STUM: variants seen among roughly 807,000 people sequenced by gnomAD.
The protein encoded by STUM is stum, mechanosensory transduction mediator homolog.
A neutral mutation model predicts 15.3 loss-of-function variants in STUM; 8 were observed. That is an observed-to-expected ratio of 0.52 (90% CI 0.31 to 0.94). The LOEUF is 0.94. STUM is among the 40% of genes least tolerant of loss of function. STUM has a pLI of 0.05. For missense variants in STUM, 142 were observed against 204.9 expected, an observed-to-expected ratio of 0.69 and a Z score of 1.87; for synonymous variants, 78 against 88.7, an observed-to-expected ratio of 0.88 and a Z score of 0.68.
At chr1:226,581,198 G>T (rs1164815758) in intron 1 of STUM, among the ~76,000 whole-genome samples, 4 of 152,332 alleles carry the variant, frequency 2.6e-5, no homozygotes, top group African/African-American at 4.8e-5. Flanking sequence ...GGCCTCTCTT[G>T]GTTGCAGAGG....
chr1:226,573,587 T>A (rs1286917945), intron 1 of STUM, among the ~76,000 whole-genome samples: 1 of 152,222 alleles, frequency 6.6e-6, no homozygotes, highest in African/African-American at 2.4e-5. Context: ...CTCATAGTGA[T>A]CCACAGTGAC....
At chr1:226,568,173 A>C (rs1667652655) in intron 1 of STUM, among the ~76,000 whole-genome samples, 1 of 152,256 alleles carries the variant, frequency 6.6e-6, no homozygotes, top group African/African-American at 2.4e-5. Context: ...TCCATTCTGC[A>C]GGCTCTGGCA....
chr1:226,592,259 G>A (rs947376941), intron 1 of STUM, among the ~76,000 whole-genome samples: 19 of 152,202 alleles, frequency 1.2e-4, no homozygotes, highest in African/African-American at 4.6e-4. Flanking sequence ...TGCTGGCCAG[G>A]CTGGTCTTGA....
chr1:226,600,538 C>G lies in STUM; in HGVS notation c.383-128C>G, dbSNP rs916831493. 2 of 1,153,088 alleles carry G rather than the reference C, an allele frequency of 1.7e-6. No individual in the cohort carries two copies. The highest frequency in any genetic ancestry group is 2.6e-6 in the Non-Finnish European group (2 of 780,038). The allele number at this position is 1,153,088 out of a possible 1,614,324, so 71.4% of individuals were successfully genotyped here. The stretch of plus-strand genomic sequence containing the variant: ...CTGGCATGGCCCCTGTCCCATCTCC[C>G]AGGCCTCACCATGGATCTGCTTTGT... On this transcript the variant is annotated intron_variant, in intron 2 of 3. Transcript: ENST00000366788. The surrounding 1 kb of genome is among the most constrained non-coding windows in gnomAD (Gnocchi z 5.2).
intron 1 of STUM, among the ~76,000 whole-genome samples, chr1:226,580,324 G>T (rs181530087): frequency 7.9e-5 from 12 of 152,254 alleles, no homozygotes; most frequent in Admixed American, 6.5e-4. Flanking sequence ...CCCAGAAGAG[G>T]TGTCAAGTAA....
chr1:226,577,515 A>ACACACACT (rs1025492116), intron 1 of STUM, among the ~76,000 whole-genome samples: 8 of 151,848 alleles, frequency 5.3e-5, no homozygotes, highest in African/African-American at 1.9e-4. Flanking sequence ...ACACACACAC[A>ACACACACT]CACACTCACA....
At position 226,609,219 on chromosome 1, in the gene STUM, T is replaced by C. The variant is rs971588615; in HGVS notation, c.*7179T>C. 1 of 152,186 alleles carries C rather than the reference T, an allele frequency of 6.6e-6. No individual in the cohort carries two copies. Among genetic ancestry groups the C allele is most frequent in the African/African-American group, 2.4e-5 (1 of 41,430 alleles). 9.4% of individuals were successfully genotyped at this position (152,186 alleles called of 1,614,324 possible). Reference sequence around the variant, plus strand: ...ATAAACATTCATGTGACCTTTCTGGTAGTTTCTCAAATCCCTGTGTCCTCC... The same window carrying C: ...ATAAACATTCATGTGACCTTTCTGGCAGTTTCTCAAATCCCTGTGTCCTCC... On this transcript the variant is annotated 3_prime_UTR_variant, in exon 4 of 4. Coordinates refer to ENST00000366788, the MANE Select transcript of STUM (RefSeq NM_001003665.4).
At chr1:226,574,450 C>T (rs1186575748) in intron 1 of STUM, among the ~76,000 whole-genome samples, 1 of 152,192 alleles carries the variant, frequency 6.6e-6, no homozygotes, top group Non-Finnish European at 1.5e-5. Context: ...CCCTAATTGT[C>T]CTGTAAACCT....
intron 1 of STUM, among the ~76,000 whole-genome samples, chr1:226,582,444 A>T (rs1667933805): frequency 1.3e-5 from 2 of 152,174 alleles, no homozygotes; most frequent in African/African-American, 4.8e-5. Flanking sequence ...AAGTACAAAA[A>T]ATTAGCTGGG....
At chr1:226,566,594 A>G (rs1412910300) in intron 1 of STUM, among the ~76,000 whole-genome samples, 1 of 152,184 alleles carries the variant, frequency 6.6e-6, no homozygotes, top group African/African-American at 2.4e-5. Flanking sequence ...TTGTACCAGA[A>G]GGTCTTGGTG....
chr1:226,574,949 C>T (rs961854260), intron 1 of STUM, among the ~76,000 whole-genome samples: 3 of 152,180 alleles, frequency 2.0e-5, no homozygotes, highest in African/African-American at 7.2e-5. Context: ...CAGGTGTGGA[C>T]CGCGGTCAGT....
rs181523443 is a variant in STUM at position 226,557,075 on chromosome 1, A to C, written c.202+7969A>C. 1.6e-4 allele frequency among the ~76,000 whole-genome samples: 24 copies of C among 152,048 alleles called. No individual in the cohort carries two copies. The East Asian group carries it at 4.4e-3, about 28-fold the overall frequency. On this transcript the variant is annotated intron_variant, in intron 1 of 3. Coordinates refer to ENST00000366788, the MANE Select transcript of STUM (RefSeq NM_001003665.4). ...CACACTGTGCAATAGAACTCAAAAA[A>C]GGGAAAAAATCTTACTTCTCCCATG...
intron 1 of STUM, among the ~76,000 whole-genome samples, chr1:226,580,807 C>T (rs1451682021): frequency 6.6e-6 from 1 of 152,206 alleles, no homozygotes; most frequent in East Asian, 1.9e-4. Flanking sequence ...GCCCCCAGCA[C>T]CAAGGACAGT....
intron 1 of STUM, among the ~76,000 whole-genome samples, chr1:226,555,911 A>G (rs1271639062): frequency 6.6e-6 from 1 of 152,258 alleles, no homozygotes; most frequent in Non-Finnish European, 1.5e-5. Flanking sequence ...GTAAAAAGGA[A>G]TAGGTGAAGT....
chr1:226,601,291 T>C (rs1013368898), intron 3 of STUM, among the ~76,000 whole-genome samples: 2 of 152,272 alleles, frequency 1.3e-5, no homozygotes, highest in African/African-American at 4.8e-5. Flanking sequence ...CACGCCCAGT[T>C]AATTTTTTGT....
rs1558275091 is a variant in STUM at position 226,548,942 on chromosome 1, C to T, written c.38C>T (p.Ala13Val). ...CACAAAGACGCCGAGACGGCGGCGG[C>T]GGCGGCGGCGGTGGCGGCGGCGGAC... Reference protein sequence around the residue: ...PSHKDAETAAAAAAVAAADPR... With the variant: ...PSHKDAETAAVAAAVAAADPR... The change falls in exon 1 of 4, where the codon GCG (alanine) becomes GTG (valine). Residue 13 changes from alanine (A) to valine (V), a missense_variant. Transcript: ENST00000366788. 2 of 1,453,694 alleles carry T rather than the reference C, an allele frequency of 1.4e-6. No individual in the cohort carries two copies. The highest frequency in any genetic ancestry group is 1.8e-6 in the Non-Finnish European group (2 of 1,108,370). The allele number at this position is 1,453,694 out of a possible 1,614,324, so 90.0% of individuals were successfully genotyped here.
chr1:226,586,813 C>G (rs543491984), intron 1 of STUM, among the ~76,000 whole-genome samples: 2 of 152,310 alleles, frequency 1.3e-5, no homozygotes, highest in African/African-American at 4.8e-5. Flanking sequence ...TTCCACCAGA[C>G]TGGCCACCCT....
chr1:226,602,058 G>A lies in STUM; in HGVS notation c.*18G>A. The A allele has an allele frequency of 1.2e-6, 2 of 1,601,582 alleles. No individual in the cohort carries two copies. The highest frequency in any genetic ancestry group is 1.7e-6 in the Non-Finnish European group (2 of 1,177,510). On this transcript the variant is annotated 3_prime_UTR_variant, in exon 4 of 4. Transcript: ENST00000366788. ...AGCTGTGAGCCCACGGGAGCCGCTGGGGAGATCCAGGGGGGCCCTGTGAGG... is the reference window on the plus strand; with the variant it reads ...AGCTGTGAGCCCACGGGAGCCGCTGAGGAGATCCAGGGGGGCCCTGTGAGG...
rs968940048 is a variant in STUM, at chr1:226,552,712, A to G, written c.202+3606A>G. ...ATGCTGCTAAAGTCTTGCTTGCTCAATAAAAGCACCACAGGCTGGCTCTGC... is the reference window on the plus strand; with the variant it reads ...ATGCTGCTAAAGTCTTGCTTGCTCAGTAAAAGCACCACAGGCTGGCTCTGC... On this transcript the variant is annotated intron_variant, in intron 1 of 3. Coordinates refer to ENST00000366788, the MANE Select transcript of STUM (RefSeq NM_001003665.4). This position sits in a 1 kb window ranked among gnomAD's most constrained non-coding sequence, Gnocchi z 4.7. Among the ~76,000 whole-genome samples, 4 of 152,190 alleles carry G rather than the reference A, an allele frequency of 2.6e-5. No individual in the cohort carries two copies. Among genetic ancestry groups the G allele is most frequent in the African/African-American group, 9.7e-5 (4 of 41,438 alleles).
Sources: allele counts gnomAD v4.1 joint callset (sites outside exome capture counted in the v4.1 genomes callset), GRCh38; gene constraint gnomAD v4.1.1; non-coding constraint Gnocchi (gnomAD v3.1); transcripts MANE v1.5; gene names NCBI Gene and HGNC (gene_info 2026-07-23, HGNC 2026-07-21).